ZBTB46: variants seen among roughly 807,000 people sequenced by gnomAD.
The protein encoded by ZBTB46 is zinc finger and BTB domain-containing protein 46.
A neutral mutation model predicts 44.1 loss-of-function variants in ZBTB46; 8 were observed. The ratio of observed to expected loss-of-function variants is 0.18; its 90% CI spans 0.11 to 0.33. The LOEUF is 0.33. ZBTB46 is among the 10% of genes least tolerant of loss of function. The probability of loss-of-function intolerance (pLI) is 1.00; values close to 1 mark genes in which losing one functional copy is unlikely to be tolerated. For missense variants in ZBTB46, 651 were observed against 847.7 expected (o/e 0.77, Z 2.88); for synonymous variants, 409 against 382.3 (o/e 1.07, Z -0.81).
chr20:63,833,304 G>T (rs1359198108), upstream of ZBTB46, among the ~76,000 whole-genome samples: 1 of 152,214 alleles, frequency 6.6e-6, no homozygotes, highest in East Asian at 1.9e-4. Flanking sequence ...GTAGAAACTT[G>T]CTGAGGGCCG....
At chr20:63,774,700 T>G (rs796619300) in intron 3 of ZBTB46, among the ~76,000 whole-genome samples, 35,336 of 119,260 alleles carry the variant, frequency 0.3, 4,928 homozygotes, top group Middle Eastern at 0.4. Context: ...TTTTTTTTGT[T>G]TTTTTTTTTG....
chr20:63,747,041 C>G lies in ZBTB46; in HGVS notation c.1659G>C (p.Glu553Asp), dbSNP rs2092097684. The change falls in exon 5 of 5, where the codon GAG becomes GAC. Residue 553 changes from glutamate to aspartate, a missense_variant. Glu to Asp is a conservative substitution (Grantham distance 45). Around this residue, in one of 5 missense-constraint regions of ZBTB46, gnomAD observed 106 missense variants for 81.0 expected, o/e 1.31. Transcript: ENST00000245663. ...GEAEELGEDD[E>D]GLAPEDALLA... is the part of the protein sequence containing the mutation. Reference sequence around the variant, plus strand: ...ACAGCGCATCCTCAGGGGCCAGGCCCTCGTCGTCCTCGCCCAGCTCCTCCG... The same window carrying G: ...ACAGCGCATCCTCAGGGGCCAGGCCGTCGTCGTCCTCGCCCAGCTCCTCCG... 3 of 1,608,040 alleles carry G rather than the reference C, an allele frequency of 1.9e-6. No homozygotes were observed. The African/African-American group carries it at 4.0e-5, about 21-fold the overall frequency.
intron 3 of ZBTB46, among the ~76,000 whole-genome samples, chr20:63,759,920 G>A (rs1230815093): frequency 2.6e-5 from 4 of 152,132 alleles, no homozygotes; most frequent in Admixed American, 2.0e-4. Flanking sequence ...TCCTTTATTC[G>A]GCTAATGTGG....
At chr20:63,762,387 C>T (rs1342356295) in intron 3 of ZBTB46, among the ~76,000 whole-genome samples, 12 of 108,396 alleles carry the variant, frequency 1.1e-4, no homozygotes, top group Admixed American at 1.0e-3. Context: ...GGCACAGTAG[C>T]TCACACCTGT....
chr20:63,818,838 C>T (rs2092774897), intron 1 of ZBTB46, among the ~76,000 whole-genome samples: 1 of 144,462 alleles, frequency 6.9e-6, no homozygotes, highest in African/African-American at 2.6e-5. Flanking sequence ...CGCCACTGCA[C>T]TCCAGCCTGG....
At chr20:63,786,761 T>C (rs548685088) in intron 2 of ZBTB46, among the ~76,000 whole-genome samples, 97 of 152,240 alleles carry the variant, frequency 6.4e-4, no homozygotes, top group Middle Eastern at 3.4e-3. Flanking sequence ...CCGCCCGCCT[T>C]GGCCTCCCAA....
intron 1 of ZBTB46, among the ~76,000 whole-genome samples, chr20:63,813,564 C>G (rs2092730283): frequency 6.6e-6 from 1 of 152,190 alleles, no homozygotes; most frequent in African/African-American, 2.4e-5. Flanking sequence ...GGGCGAGTCC[C>G]AGCCCTCCCG....
At chr20:63,759,740 G>A (rs1489554135) in intron 3 of ZBTB46, among the ~76,000 whole-genome samples, 1 of 152,092 alleles carries the variant, frequency 6.6e-6, no homozygotes, top group Non-Finnish European at 1.5e-5. Context: ...CAGAGGCTAA[G>A]TCATCATGAT....
intron 1 of ZBTB46, among the ~76,000 whole-genome samples, chr20:63,802,109 G>A (rs1401000918): frequency 6.6e-6 from 1 of 152,022 alleles, no homozygotes; most frequent in Non-Finnish European, 1.5e-5. Flanking sequence ...ATAGGTCATT[G>A]CAGATGCAAT....
intron 1 of ZBTB46, among the ~76,000 whole-genome samples, chr20:63,792,191 G>A (rs938855579): frequency 6.6e-6 from 1 of 152,156 alleles, no homozygotes; most frequent in African/African-American, 2.4e-5. Flanking sequence ...TGGGGTCCTA[G>A]GGGGCTAGAA....
intron 1 of ZBTB46, among the ~76,000 whole-genome samples, chr20:63,802,513 C>T (rs924287613): frequency 1.3e-5 from 2 of 152,070 alleles, no homozygotes; most frequent in Non-Finnish European, 2.9e-5. Context: ...CGGCACAAAG[C>T]GGCAGCGGCG....
Position 63,831,119 on chromosome 20 carries a change from C to A in ZBTB46, c.-56G>T, listed in dbSNP as rs1422658174. 1 of 141,728 alleles carries A rather than the reference C, an allele frequency of 7.1e-6. No individual in the cohort carries two copies. The highest frequency in any genetic ancestry group is 1.6e-5 in the Non-Finnish European group (1 of 64,206). 8.8% of individuals were successfully genotyped at this position (141,728 alleles called of 1,614,324 possible). A position where few individuals can be genotyped will look rare whatever the true frequency, so the allele number is the denominator to read the frequency against. Reference sequence around the variant, plus strand: ...TACCTGTGACCCCATGGGGCGCGGGCGAGGGCGGGCGCCGCGGCCGCCGGG... The same window carrying A: ...TACCTGTGACCCCATGGGGCGCGGGAGAGGGCGGGCGCCGCGGCCGCCGGG... On this transcript the variant is annotated 5_prime_UTR_variant, in exon 1 of 5. Transcript: ENST00000245663.
intron 2 of ZBTB46, among the ~76,000 whole-genome samples, chr20:63,784,246 C>T (rs1013155102): frequency 1.3e-5 from 2 of 152,220 alleles, no homozygotes; most frequent in Admixed American, 1.3e-4. Context: ...CGGAGGCAGG[C>T]CGGCCTGGTC....
At chr20:63,751,460 G>A (rs1199274427) in intron 4 of ZBTB46, among the ~76,000 whole-genome samples, 2 of 152,132 alleles carry the variant, frequency 1.3e-5, no homozygotes, top group African/African-American at 2.4e-5. Flanking sequence ...GCCCACAGCC[G>A]GCCAGGCAAA....
chr20:63,751,851 C>T (rs1490188880), intron 4 of ZBTB46, among the ~76,000 whole-genome samples: 1 of 151,616 alleles, frequency 6.6e-6, no homozygotes, highest in Non-Finnish European at 1.5e-5. Context: ...CCATGAAGCC[C>T]CGCCCCCCGG....
intron 1 of ZBTB46, among the ~76,000 whole-genome samples, chr20:63,825,819 T>C (rs2092816636): frequency 6.6e-6 from 1 of 152,236 alleles, no homozygotes; most frequent in Non-Finnish European, 1.5e-5. Context: ...AATGCTTAGC[T>C]TGGGCCGACT....
chr20:63,747,150 C>T lies in ZBTB46; in HGVS notation c.1550G>A (p.Gly517Asp). The T allele has an allele frequency of 6.2e-7, 1 of 1,610,026 alleles. No homozygotes were observed. Among genetic ancestry groups the T allele is most frequent in the Non-Finnish European group, 8.5e-7 (1 of 1,178,838 alleles). Residue 517 changes from glycine to aspartate, a missense_variant, in exon 5 of 5, where the codon GGC (glycine) becomes GAC (aspartate). Transcript: ENST00000245663. Reference sequence around the variant, plus strand: ...CTCTGGAGAGCCCTCGCCGCCTCCGCCGCCATGGTCCAGGGGCCCGGCCAT... The same window carrying T: ...CTCTGGAGAGCCCTCGCCGCCTCCGTCGCCATGGTCCAGGGGCCCGGCCAT... ...RGMAGPLDHG[G>D]GGGEGSPEAL...
intron 1 of ZBTB46, among the ~76,000 whole-genome samples, chr20:63,810,453 T>C (rs541431636): frequency 1.2e-4 from 18 of 152,192 alleles, no homozygotes; most frequent in African/African-American, 4.3e-4. Context: ...CCCCTTCCCC[T>C]CGCAAACCAA....
intron 1 of ZBTB46, among the ~76,000 whole-genome samples, chr20:63,804,488 A>G (rs1196936410): frequency 6.6e-6 from 1 of 151,884 alleles, no homozygotes. Flanking sequence ...CTGTTCTTAC[A>G]CTGACAGCAC....
Sources: gnomAD v4.1 joint callset for allele counts (sites outside exome capture counted in the v4.1 genomes callset) on GRCh38, gnomAD v4.1.1 for gene constraint, gnomAD v4.1.1 regional missense constraint, MANE v1.5 for transcripts, NCBI Gene and HGNC (gene_info 2026-07-23, HGNC 2026-07-21) for gene names.